Variants in PTPN4 observed in about 807,000 individuals in gnomAD.
PTPN4 encodes the protein tyrosine-protein phosphatase non-receptor type 4.
In PTPN4, 49 loss-of-function variants were observed where a neutral mutation model predicts 135.5. The observed-to-expected ratio is 0.36, with a 90% CI of 0.29 to 0.46. The LOEUF (loss-of-function observed/expected upper bound fraction) is 0.46, where lower values mean the gene tolerates loss of function less well. Among genes scored for constraint, PTPN4 ranks in the 20% least tolerant of loss-of-function variants. The pLI, the probability that PTPN4 is intolerant of heterozygous loss-of-function variation, is 1.00. For missense variants in PTPN4, 860 were observed against 1,101.0 expected, an observed-to-expected ratio of 0.78 and a Z score of 3.10; for synonymous variants, 333 against 369.9, an observed-to-expected ratio of 0.90 and a Z score of 1.14.
chr2:119,820,183 C>T (rs1208539954), intron 2 of PTPN4, among the ~76,000 whole-genome samples: 3 of 152,070 alleles, frequency 2.0e-5, no homozygotes, highest in African/African-American at 7.2e-5. Context: ...AAATGTGCTG[C>T]CTTTTGACTT....
rs142321504 is a variant in PTPN4, at chr2:119,949,010, TCA to T, written c.1656+2440_1656+2441del. Among the ~76,000 whole-genome samples the T allele has an allele frequency of 6.3e-3, 960 of 152,278 alleles. 2 individuals are homozygous for T. The highest frequency in any genetic ancestry group is 0.011 in the Admixed American group (174 of 15,300). ...CATGACAGTTGTAATAGTCAATGACTCACACGCATAAAAAAAGTATTCATTTT... is the reference window on the plus strand; with the variant it reads ...CATGACAGTTGTAATAGTCAATGACTCACGCATAAAAAAAGTATTCATTTT... On this transcript the variant is annotated intron_variant, in intron 18 of 26. Coordinates refer to ENST00000263708, the MANE Select transcript of PTPN4 (RefSeq NM_002830.4).
intron 2 of PTPN4, among the ~76,000 whole-genome samples, chr2:119,825,221 A>C (rs1677129361): frequency 6.6e-6 from 1 of 152,124 alleles, no homozygotes; most frequent in South Asian, 2.1e-4. Flanking sequence ...TTCTGTAGAA[A>C]CAGCTTTTTT....
intron 1 of PTPN4, among the ~76,000 whole-genome samples, chr2:119,793,151 G>A (rs1007661955): frequency 1.3e-5 from 2 of 152,194 alleles, no homozygotes; most frequent in African/African-American, 4.8e-5. Context: ...AGACCAGGGC[G>A]TGTTTCATCC....
At chr2:119,803,307 C>T (rs942093478) in intron 1 of PTPN4, among the ~76,000 whole-genome samples, 10 of 152,100 alleles carry the variant, frequency 6.6e-5, no homozygotes, top group Non-Finnish European at 1.5e-4. Flanking sequence ...CTATTGTATG[C>T]ATATATTGCT....
chr2:119,920,924 AAAC>A (rs1278224968), intron 12 of PTPN4, among the ~76,000 whole-genome samples: 5 of 152,298 alleles, frequency 3.3e-5, no homozygotes, highest in Non-Finnish European at 7.4e-5. Context: ...TCTTTTAGTA[AAAC>A]AAATGTTATT....
At chr2:119,852,263 G>A (rs1677603949) in intron 2 of PTPN4, among the ~76,000 whole-genome samples, 1 of 152,118 alleles carries the variant, frequency 6.6e-6, no homozygotes, top group African/African-American at 2.4e-5. Context: ...AAAAAATTAG[G>A]TCTAAGCCAA....
intron 16 of PTPN4, 131 bp from the exon 17 acceptor site, chr2:119,946,210 A>AT: frequency 1.4e-6 from 1 of 720,432 alleles, no homozygotes; most frequent in Non-Finnish European, 2.1e-6. Context: ...CTGAACTAAA[A>AT]TTTTTATTAG....
chr2:119,831,135 C>G (rs1398970359), intron 2 of PTPN4, among the ~76,000 whole-genome samples: 1 of 152,140 alleles, frequency 6.6e-6, no homozygotes, highest in East Asian at 1.9e-4. Flanking sequence ...AAGGAGTTTG[C>G]AACCTAGATC....
intron 3 of PTPN4, among the ~76,000 whole-genome samples, chr2:119,866,430 C>G (rs1279037882): frequency 6.6e-6 from 1 of 152,012 alleles, no homozygotes; most frequent in Non-Finnish European, 1.5e-5. Context: ...CAAACTGGAG[C>G]TTGCATGAGA....
chr2:119,898,619 A>G (rs1299958022), intron 9 of PTPN4, among the ~76,000 whole-genome samples: 2 of 152,182 alleles, frequency 1.3e-5, no homozygotes, highest in African/African-American at 4.8e-5. Flanking sequence ...TGAATAATTT[A>G]TTTATTAGAT....
chr2:119,853,651 A>G lies in PTPN4; in HGVS notation c.139-8885A>G, dbSNP rs967431346. ...TATAACTGTGTTTAAGTATTTTTCTATATACATTAGGAGCACATCAAATAG... is the reference window on the plus strand; with the variant it reads ...TATAACTGTGTTTAAGTATTTTTCTGTATACATTAGGAGCACATCAAATAG... On this transcript the variant is annotated intron_variant, in intron 2 of 26. Transcript: ENST00000263708. Among the ~76,000 whole-genome samples the G allele has an allele frequency of 3.9e-5, 6 of 152,192 alleles. No homozygotes were observed. The South Asian group carries it at 1.0e-3, about 26-fold the overall frequency.
rs1253731466 is a variant in PTPN4 at position 119,900,837 on chromosome 2, A to G, written c.764+31A>G. 8 of 1,256,420 alleles carry G rather than the reference A, an allele frequency of 6.4e-6. No individual in the cohort carries two copies. The South Asian group carries it at 8.4e-5, about 13-fold the overall frequency. The allele number at this position is 1,256,420 out of a possible 1,614,324, so 77.8% of individuals were successfully genotyped here. On this transcript the variant is annotated intron_variant, in intron 10 of 26. Transcript: ENST00000263708. ...AACATCTATTGATACTTTTATGTTT[A>G]CCACTGTATTACTAAATATAATAAT... is the stretch of plus-strand genomic sequence containing the variant.
rs567685410 is a variant in PTPN4, at chr2:119,891,840, C to A, written c.675+5958C>A. ...AATTATTGTATTCCTTTGGAGATACCATATTTTCTTGCTATTTCATGTTTC... is the reference window on the plus strand; with the variant it reads ...AATTATTGTATTCCTTTGGAGATACAATATTTTCTTGCTATTTCATGTTTC... On this transcript the variant is annotated intron_variant, in intron 9 of 26. Coordinates refer to ENST00000263708, the MANE Select transcript of PTPN4 (RefSeq NM_002830.4). 7.9e-5 allele frequency among the ~76,000 whole-genome samples: 12 copies of A among 152,018 alleles called. 1 individual carries two copies. In the South Asian group the frequency reaches 2.5e-3, roughly 32 times the overall value.
intron 5 of PTPN4, among the ~76,000 whole-genome samples, chr2:119,878,169 G>A (rs868335565): frequency 1.3e-4 from 20 of 152,246 alleles, no homozygotes; most frequent in African/African-American, 4.1e-4. Context: ...CGACTTGACA[G>A]AGTATATACA....
chr2:119,822,451 C>A (rs138018238), intron 2 of PTPN4, among the ~76,000 whole-genome samples: 2,244 of 147,634 alleles, frequency 0.015, 49 homozygotes, highest in African/African-American at 0.052. Context: ...CTCCACCTTG[C>A]GGGTTCAAGT....
At chr2:119,840,855 T>G (rs1355732095) in intron 2 of PTPN4, among the ~76,000 whole-genome samples, 2 of 152,232 alleles carry the variant, frequency 1.3e-5, no homozygotes, top group Non-Finnish European at 2.9e-5. Flanking sequence ...TTAAGCTTTT[T>G]GGTTGGCCGC....
intron 1 of PTPN4, among the ~76,000 whole-genome samples, chr2:119,770,720 A>T (rs1450085497): frequency 6.6e-6 from 1 of 151,588 alleles, no homozygotes; most frequent in African/African-American, 2.4e-5. Context: ...GTATAGATAT[A>T]CTATTAAGCT....
intron 2 of PTPN4, among the ~76,000 whole-genome samples, chr2:119,813,742 A>C (rs1038806537): frequency 2.0e-5 from 3 of 152,202 alleles, no homozygotes; most frequent in African/African-American, 7.2e-5. Flanking sequence ...GTGGGATCAG[A>C]AATGTTGCCG....
intron 2 of PTPN4, among the ~76,000 whole-genome samples, chr2:119,847,333 T>TTG: frequency 6.9e-6 from 1 of 145,142 alleles, no homozygotes; most frequent in African/African-American, 2.5e-5. Flanking sequence ...TATATATTTT[T>TTG]TTTTTTTTTT....
Sources: allele counts gnomAD v4.1 joint callset (sites outside exome capture counted in the v4.1 genomes callset), GRCh38; gene constraint gnomAD v4.1.1; transcripts MANE v1.5; gene names NCBI Gene and HGNC (gene_info 2026-07-23, HGNC 2026-07-21).